PLA2G12B: variants seen among roughly 807,000 people sequenced by gnomAD.
PLA2G12B encodes the protein phospholipase A2 group XIIB, also known as group XIIB secretory phospholipase A2-like protein.
PLA2G12B carries 19 observed loss-of-function variants against 22.3 expected under a neutral mutation model. That is an observed-to-expected ratio of 0.85 (90% CI 0.60 to 1.25). The LOEUF is 1.25. Among genes scored for constraint, PLA2G12B ranks in the 50% most tolerant of loss-of-function variants. The probability of loss-of-function intolerance (pLI) is 0.00; values close to 1 mark genes in which losing one functional copy is unlikely to be tolerated. For synonymous variants in PLA2G12B, 81 were observed against 94.9 expected, an observed-to-expected ratio of 0.85 and a Z score of 0.85; for missense variants, 191 against 246.6, an observed-to-expected ratio of 0.77 and a Z score of 1.51.
chr10:72,943,292 G>GT (rs549421100), intron 1 of PLA2G12B, among the ~76,000 whole-genome samples: 7 of 152,110 alleles, frequency 4.6e-5, no homozygotes, highest in Non-Finnish European at 1.0e-4. Flanking sequence ...CATTTCTAAT[G>GT]TTTTTTAAGT....
At chr10:72,949,979 G>GA (rs1423849345) in intron 1 of PLA2G12B, among the ~76,000 whole-genome samples, 2 of 142,124 alleles carry the variant, frequency 1.4e-5, no homozygotes, top group Non-Finnish European at 3.0e-5. Flanking sequence ...TCCGTCTCAA[G>GA]AAAAACAAAA....
At chr10:72,952,967 CTA>C (rs1015708443) in intron 1 of PLA2G12B, among the ~76,000 whole-genome samples, 23 of 152,216 alleles carry the variant, frequency 1.5e-4, no homozygotes, top group African/African-American at 5.5e-4. Context: ...ATTTGCTGAA[CTA>C]CAGATACTAG....
chr10:72,940,225 T>G (rs1353853122), intron 3 of PLA2G12B, among the ~76,000 whole-genome samples: 1 of 152,146 alleles, frequency 6.6e-6, no homozygotes, highest in Non-Finnish European at 1.5e-5. Flanking sequence ...AGACACTCTC[T>G]GTGGTGTGGA....
chr10:72,935,262 C>G lies in PLA2G12B; in HGVS notation c.*355G>C, dbSNP rs1480568482. On this transcript the variant is annotated 3_prime_UTR_variant, in exon 4 of 4. Coordinates refer to ENST00000373032, the MANE Select transcript of PLA2G12B (RefSeq NM_032562.5). ...GGGCCAGCAGAAAGTCATTGCCTCC[C>G]AAATGGCTGGACTCCCCACAATTTC... is the stretch of plus-strand genomic sequence containing the variant. 1 of 178,996 alleles carries G rather than the reference C, an allele frequency of 5.6e-6. No individual in the cohort carries two copies. The highest frequency in any genetic ancestry group is 1.2e-5 in the Non-Finnish European group (1 of 86,210). 11.1% of individuals were successfully genotyped at this position (178,996 alleles called of 1,614,324 possible).
At chr10:72,943,813 A>G (rs1223956915) in intron 1 of PLA2G12B, among the ~76,000 whole-genome samples, 1 of 152,130 alleles carries the variant, frequency 6.6e-6, no homozygotes. Flanking sequence ...ATAGGATATA[A>G]AGTCAGATTT....
Position 72,950,209 on chromosome 10 carries a change from T to C in PLA2G12B, c.211+4266A>G, listed in dbSNP as rs560598618. On this transcript the variant is annotated intron_variant, in intron 1 of 3. Transcript: ENST00000373032. ...CTGGTACCCGTCCCGGTGTTAGTAC[T>C]GAAAGTCTCACATCCCAGGAGCATC... 1.5e-4 allele frequency among the ~76,000 whole-genome samples: 23 copies of C among 152,294 alleles called. No homozygotes were observed. In the South Asian group the frequency reaches 4.8e-3, roughly 32 times the overall value.
chr10:72,942,674 A>G lies in PLA2G12B; in HGVS notation c.278T>C (p.Leu93Pro). Reference protein sequence around the residue: ...QEPNGCGSYFLGLKVPESMDL... With the variant: ...QEPNGCGSYFPGLKVPESMDL... ...TACACTTTCTGGTACCTTGAGACCC[A>G]GGAAATAGGAGCCGCAGCCATTGGG... Residue 93 changes from leucine to proline, a missense_variant, in exon 2 of 4, where the codon CTG becomes CCG. Physicochemically the swap from Leu to Pro is moderately conservative, Grantham distance 98. Transcript: ENST00000373032. The G allele has an allele frequency of 6.2e-7, 1 of 1,606,882 alleles. No homozygotes were observed. Among genetic ancestry groups the G allele is most frequent in the Non-Finnish European group, 8.5e-7 (1 of 1,176,838 alleles).
At chr10:72,947,644 C>A (rs1054244939) in intron 1 of PLA2G12B, among the ~76,000 whole-genome samples, 3 of 152,194 alleles carry the variant, frequency 2.0e-5, no homozygotes, top group African/African-American at 7.2e-5. Flanking sequence ...TTTTATCTAG[C>A]TCAAAAACAT....
chr10:72,950,575 G>T (rs1419138888), intron 1 of PLA2G12B, among the ~76,000 whole-genome samples: 1 of 152,134 alleles, frequency 6.6e-6, no homozygotes, highest in Non-Finnish European at 1.5e-5. Flanking sequence ...CTTCCTCCAG[G>T]GTTCAAGTGA....
chr10:72,938,880 G>T (rs906081022), intron 3 of PLA2G12B, among the ~76,000 whole-genome samples: 5 of 152,198 alleles, frequency 3.3e-5, no homozygotes, highest in African/African-American at 1.2e-4. Context: ...TGACAGAAAA[G>T]TACACAGTTT....
intron 3 of PLA2G12B, among the ~76,000 whole-genome samples, chr10:72,940,887 T>C (rs1846349313): frequency 1.3e-5 from 2 of 152,124 alleles, no homozygotes; most frequent in South Asian, 2.1e-4. Flanking sequence ...GGCAATTCCT[T>C]CTCCAGCCTT....
At chr10:72,944,965 T>C (rs1846417333) in intron 1 of PLA2G12B, among the ~76,000 whole-genome samples, 1 of 152,136 alleles carries the variant, frequency 6.6e-6, no homozygotes, top group Non-Finnish European at 1.5e-5. Context: ...GGCCAGACCT[T>C]AATCAAATGG....
chr10:72,936,043 C>T (rs1846275347), intron 3 of PLA2G12B, among the ~76,000 whole-genome samples: 1 of 152,204 alleles, frequency 6.6e-6, no homozygotes, highest in South Asian at 2.1e-4. Context: ...CTCACATGAA[C>T]AACTATGTTT....
intron 2 of PLA2G12B, among the ~76,000 whole-genome samples, chr10:72,942,026 G>A (rs1364031099): frequency 6.6e-6 from 1 of 152,144 alleles, no homozygotes; most frequent in Non-Finnish European, 1.5e-5. Flanking sequence ...GCTCACGACT[G>A]TAATCCCAGC....
At chr10:72,952,306 A>G (rs1317774838) in intron 1 of PLA2G12B, among the ~76,000 whole-genome samples, 1 of 152,246 alleles carries the variant, frequency 6.6e-6, no homozygotes, top group Non-Finnish European at 1.5e-5. Context: ...CAGCCTGGGC[A>G]AGATGGTGAG....
Position 72,942,685 on chromosome 10 carries a change from G to T in PLA2G12B, c.267C>A (p.Gly89=). The change falls in exon 2 of 4, where the codon GGC becomes GGA. Residue 89 remains glycine (G), a synonymous_variant. Coordinates refer to ENST00000373032, the MANE Select transcript of PLA2G12B (RefSeq NM_032562.5). ...GTACCTTGAGACCCAGGAAATAGGA[G>T]CCGCAGCCATTGGGCTCTTGGGGCT... is the stretch of plus-strand genomic sequence containing the variant. ...GYKPQEPNGC[G]SYFLGLKVPE... is the part of the protein sequence containing the mutation. 1 of 1,608,128 alleles carries T rather than the reference G, an allele frequency of 6.2e-7. No homozygotes were observed. The highest frequency in any genetic ancestry group is 1.1e-5 in the South Asian group (1 of 89,482).
intron 1 of PLA2G12B, among the ~76,000 whole-genome samples, chr10:72,947,890 T>C (rs1265249216): frequency 6.6e-6 from 1 of 152,166 alleles, no homozygotes; most frequent in Non-Finnish European, 1.5e-5. Flanking sequence ...CTCTTTCTCT[T>C]CTTACGAGGA....
intron 3 of PLA2G12B, among the ~76,000 whole-genome samples, chr10:72,936,313 A>G (rs1278881789): frequency 6.6e-6 from 1 of 152,174 alleles, no homozygotes; most frequent in African/African-American, 2.4e-5. Flanking sequence ...AAATAACCTC[A>G]AGGTGGTATG....
intron 3 of PLA2G12B, among the ~76,000 whole-genome samples, chr10:72,938,620 T>C (rs1016772311): frequency 3.9e-5 from 6 of 152,210 alleles, no homozygotes; most frequent in Non-Finnish European, 1.5e-5. Flanking sequence ...GGAATAAATT[T>C]AACAGAAGTC....
Sources: allele counts gnomAD v4.1 joint callset (sites outside exome capture counted in the v4.1 genomes callset), GRCh38; gene constraint gnomAD v4.1.1; transcripts MANE v1.5; gene names NCBI Gene and HGNC (gene_info 2026-07-23, HGNC 2026-07-21).